The following CPNE8 variants were observed in gnomAD, a reference collection of about 807,000 sequenced individuals.
The protein encoded by CPNE8 is copine-8.
CPNE8 carries 45 observed loss-of-function variants against 81.5 expected under a neutral mutation model. The ratio of observed to expected loss-of-function variants is 0.55; its 90% CI spans 0.44 to 0.71. CPNE8 has a LOEUF of 0.71. CPNE8 is among the 30% of genes least tolerant of loss of function. The probability of loss-of-function intolerance (pLI) is 0.00; values close to 1 mark genes in which losing one functional copy is unlikely to be tolerated. For synonymous variants in CPNE8, 252 were observed against 226.3 expected (o/e 1.11, Z -1.02); for missense variants, 594 against 672.1 (o/e 0.88, Z 1.28).
chr12:38,672,999 C>A (rs1939209787), intron 18 of CPNE8, among the ~76,000 whole-genome samples: 1 of 152,174 alleles, frequency 6.6e-6, no homozygotes, highest in Admixed American at 6.5e-5. Flanking sequence ...AATTGTAATT[C>A]CCATGTGTTG....
rs1942789578 is a variant in CPNE8, at chr12:38,805,899, A to T, written c.407+23480T>A. 2.0e-5 allele frequency among the ~76,000 whole-genome samples: 3 copies of T among 149,748 alleles called. No individual in the cohort carries two copies. The South Asian group carries it at 6.5e-4, about 33-fold the overall frequency. ...GAAGAGAGAAGAATCAAATAGACAC[A>T]ATAAAAAATGATAAAGGGGATATCA... On this transcript the variant is annotated intron_variant, in intron 6 of 19. Transcript: ENST00000331366.
chr12:38,824,010 G>C (rs1220917389), intron 6 of CPNE8, among the ~76,000 whole-genome samples: 1 of 152,098 alleles, frequency 6.6e-6, no homozygotes, highest in Non-Finnish European at 1.5e-5. Flanking sequence ...ACTCATTTTA[G>C]GAGGGTTCCA....
chr12:38,865,056 T>G (rs758162444), intron 3 of CPNE8, among the ~76,000 whole-genome samples: 5 of 152,174 alleles, frequency 3.3e-5, no homozygotes, highest in Admixed American at 6.5e-5. Flanking sequence ...AAATGGTCAT[T>G]AAGCCTACCT....
intron 7 of CPNE8, among the ~76,000 whole-genome samples, chr12:38,773,500 A>G (rs76854947): frequency 0.034 from 5,131 of 152,148 alleles, 273 homozygotes; most frequent in East Asian, 0.19. Context: ...ACTGGTTTAA[A>G]AAAATTGTCA....
intron 3 of CPNE8, among the ~76,000 whole-genome samples, chr12:38,871,771 A>C (rs1943995644): frequency 6.6e-6 from 1 of 152,220 alleles, no homozygotes; most frequent in Non-Finnish European, 1.5e-5. Flanking sequence ...TTTGAAGCAA[A>C]GAAGAAGCAG....
chr12:38,715,376 C>T (rs1940360988), intron 13 of CPNE8, among the ~76,000 whole-genome samples: 1 of 152,010 alleles, frequency 6.6e-6, no homozygotes, highest in African/African-American at 2.4e-5. Flanking sequence ...TGTAATTTTT[C>T]ACCCTTTTGA....
chr12:38,725,307 T>C (rs1380701588), intron 11 of CPNE8, among the ~76,000 whole-genome samples: 1 of 152,226 alleles, frequency 6.6e-6, no homozygotes, highest in East Asian at 1.9e-4. Flanking sequence ...TGTGAATATT[T>C]AAAGGATCTA....
intron 16 of CPNE8, chr12:38,679,596 G>A: frequency 1.0e-6 from 1 of 984,860 alleles, no homozygotes; most frequent in Non-Finnish European, 1.2e-6. Context: ...TTTAAGTTCT[G>A]TCCAATCCAT....
Position 38,677,481 on chromosome 12 carries a change from T to A in CPNE8, c.1345A>T (p.Met449Leu), listed in dbSNP as rs756440521. The A allele has an allele frequency of 1.9e-6, 3 of 1,611,062 alleles. No individual in the cohort carries two copies. The East Asian group carries it at 6.7e-5, about 36-fold the overall frequency. The change falls in exon 17 of 20, where the codon ATG becomes TTG. Residue 449 changes from methionine (M) to leucine (L), a missense_variant. Met to Leu is a conservative substitution (Grantham distance 15). Coordinates refer to ENST00000331366, the MANE Select transcript of CPNE8 (RefSeq NM_153634.3). The stretch of plus-strand genomic sequence containing the variant: ...ACTATGGACTCCTTAGTCTGGGCCA[T>A]ATCTGAGATAACACCATCTGTAACA... ...LIVTDGVISD[M>L]AQTKESIVNA...
At chr12:38,655,440 T>C (rs1018233983) in intron 19 of CPNE8, among the ~76,000 whole-genome samples, 4 of 152,178 alleles carry the variant, frequency 2.6e-5, no homozygotes, top group Non-Finnish European at 1.5e-5. Flanking sequence ...ACAGTAATTT[T>C]TGGTCTTCAG....
rs1938757791 is a variant in CPNE8 at position 38,653,785 on chromosome 12, AAAC to A, written c.*94_*96del. On this transcript the variant is annotated 3_prime_UTR_variant, in exon 20 of 20. Coordinates refer to ENST00000331366, the MANE Select transcript of CPNE8 (RefSeq NM_153634.3). ...ATTAACTGCTGAAACCAAACTGAGA[AAAC>A]TATCTCATTGCCTGGTTCATTACAG... The A allele has an allele frequency of 6.9e-7, 1 of 1,446,628 alleles. No homozygotes were observed. Among genetic ancestry groups the A allele is most frequent in the Admixed American group, 3.2e-5 (1 of 30,826 alleles). 89.6% of individuals were successfully genotyped at this position (1,446,628 alleles called of 1,614,324 possible).
In CPNE8 at chr12:38,725,025, C is replaced by T. The variant is rs1398293571; in HGVS notation, c.799-126G>A. On this transcript the variant is annotated intron_variant, in intron 11 of 19. Coordinates refer to ENST00000331366, the MANE Select transcript of CPNE8 (RefSeq NM_153634.3). ...TTATGCATGTATTCATTTACAAATG[C>T]TTTCAGTATGACTTTGGACAGTCAT... 3.5e-6 allele frequency: 3 copies of T among 850,070 alleles called. No homozygotes were observed. In the African/African-American group the frequency reaches 5.1e-5, roughly 14 times the overall value. 52.7% of individuals were successfully genotyped at this position (850,070 alleles called of 1,614,324 possible). A position where few individuals can be genotyped will look rare whatever the true frequency, so the allele number is the denominator to read the frequency against.
At chr12:38,762,061 AG>A (rs1437402718) in intron 9 of CPNE8, 50 bp downstream of exon 9, 1 of 928,484 alleles carries the variant, frequency 1.1e-6, no homozygotes, top group Non-Finnish European at 1.5e-6. Context: ...AAATCACTGT[AG>A]ATTTTTTTAA....
chr12:38,826,374 C>A (rs1315508802), intron 6 of CPNE8, among the ~76,000 whole-genome samples: 4 of 152,258 alleles, frequency 2.6e-5, no homozygotes, highest in African/African-American at 7.2e-5. Flanking sequence ...TGAAGCACAG[C>A]ATGTGGTTAC....
chr12:38,654,876 A>T (rs2136627762), intron 19 of CPNE8, among the ~76,000 whole-genome samples: 1 of 152,324 alleles, frequency 6.6e-6, no homozygotes, highest in East Asian at 1.9e-4. Context: ...ATTGTTAAAA[A>T]GTCCTAAACA....
intron 11 of CPNE8, among the ~76,000 whole-genome samples, chr12:38,726,911 G>A (rs539726555): frequency 2.6e-4 from 39 of 152,214 alleles, no homozygotes; most frequent in African/African-American, 9.1e-4. Flanking sequence ...ATTGCATAAA[G>A]ATGTTTTCAT....
At chr12:38,693,444 T>A (rs1338485554) in intron 15 of CPNE8, among the ~76,000 whole-genome samples, 2 of 152,108 alleles carry the variant, frequency 1.3e-5, no homozygotes, top group African/African-American at 4.8e-5. Flanking sequence ...CATTTGTAAA[T>A]CAGGTGGGTG....
intron 3 of CPNE8, among the ~76,000 whole-genome samples, chr12:38,863,653 C>G (rs1220439599): frequency 6.6e-6 from 1 of 152,150 alleles, no homozygotes; most frequent in Non-Finnish European, 1.5e-5. Context: ...TGTTTTAGCA[C>G]TGAAAATCAA....
intron 5 of CPNE8, among the ~76,000 whole-genome samples, chr12:38,837,012 CT>C (rs1289477134): frequency 6.6e-6 from 1 of 152,002 alleles, no homozygotes; most frequent in African/African-American, 2.4e-5. Context: ...GTATAGTCGA[CT>C]AAATATATTT....
Sources: allele counts gnomAD v4.1 joint callset (sites outside exome capture counted in the v4.1 genomes callset), GRCh38; gene constraint gnomAD v4.1.1; transcripts MANE v1.5; gene names NCBI Gene and HGNC (gene_info 2026-07-23, HGNC 2026-07-21).